AUH: variants seen among roughly 807,000 people sequenced by gnomAD.
AUH encodes AU RNA binding methylglutaconyl-CoA hydratase.
AUH carries 29 observed loss-of-function variants against 42.3 expected under a neutral mutation model. The observed-to-expected ratio is 0.69, with a 90% confidence interval of 0.51 to 0.93. AUH has a LOEUF of 0.93. Among genes scored for constraint, AUH ranks in the 40% least tolerant of loss-of-function variants. The probability of loss-of-function intolerance (pLI) is 0.00; values close to 1 mark genes in which losing one functional copy is unlikely to be tolerated. For synonymous variants in AUH, 174 were observed against 166.4 expected (o/e 1.05, Z -0.35); for missense variants, 452 against 438.1 (o/e 1.03, Z -0.28).
intron 3 of AUH, among the ~76,000 whole-genome samples, chr9:91,327,316 G>A (rs1041279524): frequency 3.9e-5 from 6 of 152,136 alleles, no homozygotes; most frequent in Non-Finnish European, 5.9e-5. Context: ...TAAAAACCGA[G>A]CTGCTGGTTT....
intron 6 of AUH, among the ~76,000 whole-genome samples, chr9:91,240,988 G>A (rs16907290): frequency 0.051 from 7,807 of 152,224 alleles, 427 homozygotes; most frequent in East Asian, 0.32. Flanking sequence ...GATGCCTAGC[G>A]ATAAGTGCGT....
At chr9:91,222,589 G>A (rs142685319) in intron 6 of AUH, among the ~76,000 whole-genome samples, 13 of 152,226 alleles carry the variant, frequency 8.5e-5, no homozygotes, top group African/African-American at 3.1e-4. Context: ...TTTAACTTTC[G>A]ACAATGATGT....
intron 3 of AUH, among the ~76,000 whole-genome samples, chr9:91,344,808 T>C (rs999141568): frequency 4.6e-5 from 7 of 152,152 alleles, no homozygotes; most frequent in African/African-American, 1.7e-4. Flanking sequence ...TATGAAAAGT[T>C]ATAAAATCCT....
intron 3 of AUH, among the ~76,000 whole-genome samples, chr9:91,337,578 G>A (rs748508022): frequency 6.6e-6 from 1 of 152,134 alleles, no homozygotes; most frequent in African/African-American, 2.4e-5. Context: ...GCATGGATAT[G>A]GGGCCCAGAA....
chr9:91,226,190 C>T (rs1460081640), intron 6 of AUH, among the ~76,000 whole-genome samples: 2 of 151,550 alleles, frequency 1.3e-5, no homozygotes, highest in Non-Finnish European at 2.9e-5. Flanking sequence ...GTTCCCATTT[C>T]TCCACATCCT....
At chr9:91,255,166 A>G (rs1829343272) in intron 6 of AUH, among the ~76,000 whole-genome samples, 1 of 152,248 alleles carries the variant, frequency 6.6e-6, no homozygotes, top group African/African-American at 2.4e-5. Flanking sequence ...GTATGTATAT[A>G]TTAGTATCAG....
chr9:91,332,229 C>T (rs569030609), intron 3 of AUH, among the ~76,000 whole-genome samples: 19 of 152,274 alleles, frequency 1.2e-4, no homozygotes, highest in South Asian at 2.1e-4. Context: ...AAGCTGGGCG[C>T]GGTGGCTCAC....
At chr9:91,275,323 T>C (rs1206875464) in intron 6 of AUH, among the ~76,000 whole-genome samples, 2 of 152,216 alleles carry the variant, frequency 1.3e-5, no homozygotes. Context: ...TAACAGCCCA[T>C]ATTTTCTCAA....
chr9:91,254,713 C>T (rs751192821), intron 6 of AUH, among the ~76,000 whole-genome samples: 11 of 152,156 alleles, frequency 7.2e-5, no homozygotes, highest in Non-Finnish European at 1.5e-4. Context: ...GGCAACCATT[C>T]GTATGACATC....
At chr9:91,215,156 T>C (rs1826748385) in intron 9 of AUH, among the ~76,000 whole-genome samples, 1 of 152,212 alleles carries the variant, frequency 6.6e-6, no homozygotes, top group African/African-American at 2.4e-5. Context: ...AGAACAAAAC[T>C]TTTTTGCTAT....
intron 6 of AUH, among the ~76,000 whole-genome samples, chr9:91,257,019 C>T (rs933712578): frequency 6.6e-6 from 1 of 152,248 alleles, no homozygotes; most frequent in Non-Finnish European, 1.5e-5. Context: ...TTCTGCCACC[C>T]GCTGGGTGTT....
At chr9:91,331,994 T>C (rs948964177) in intron 3 of AUH, among the ~76,000 whole-genome samples, 2 of 152,234 alleles carry the variant, frequency 1.3e-5, no homozygotes, top group Admixed American at 6.5e-5. Context: ...TTTGTTCCTA[T>C]TATTGCTAAA....
chr9:91,355,875 T>C lies in AUH; in HGVS notation c.418+8A>G. 1 of 1,597,226 alleles carries C rather than the reference T, an allele frequency of 6.3e-7. No homozygotes were observed. Among genetic ancestry groups the C allele is most frequent in the Non-Finnish European group, 8.6e-7 (1 of 1,164,818 alleles). ...AGTTTAATTTCATAATACAACATAT[T>C]TACATACCAGCACAGAATATCCCTG... is the stretch of plus-strand genomic sequence containing the variant. On this transcript the variant is annotated splice_region_variant and intron_variant, in intron 3 of 9. Coordinates refer to ENST00000375731, the MANE Select transcript of AUH (RefSeq NM_001698.3).
At chr9:91,346,462 A>G (rs528260467) in intron 3 of AUH, among the ~76,000 whole-genome samples, 11 of 152,246 alleles carry the variant, frequency 7.2e-5, no homozygotes, top group African/African-American at 2.6e-4. Flanking sequence ...TGCTCTAAGT[A>G]CCTCCTCCAC....
rs943583933 is a variant in AUH, at chr9:91,348,076, A to T, written c.418+7807T>A. ...AAAGTCTTGTATCAAGAATATAAAAAAAAACAAAAAAAAAACCTTACAACT... is the reference window on the plus strand; with the variant it reads ...AAAGTCTTGTATCAAGAATATAAAATAAAACAAAAAAAAAACCTTACAACT... On this transcript the variant is annotated intron_variant, in intron 3 of 9. Coordinates refer to ENST00000375731, the MANE Select transcript of AUH (RefSeq NM_001698.3). Among the ~76,000 whole-genome samples the T allele has an allele frequency of 2.0e-5, 3 of 151,792 alleles. No individual in the cohort carries two copies. The South Asian group carries it at 6.2e-4, about 32-fold the overall frequency.
intron 4 of AUH, among the ~76,000 whole-genome samples, chr9:91,318,058 C>A (rs987331961): frequency 2.0e-5 from 3 of 152,120 alleles, no homozygotes; most frequent in African/African-American, 7.2e-5. Context: ...TTGTTTCTCT[C>A]GGATTTAGGT....
rs536373400 is a variant in AUH, at chr9:91,323,796, T to TA, written c.505+1521dup. ...AGTATAAAACTTCCTTGAAAGACATTAAAAAAATGAATGACCCCAGAAAAT... is the reference window on the plus strand; with the variant it reads ...AGTATAAAACTTCCTTGAAAGACATTAAAAAAAATGAATGACCCCAGAAAAT... On this transcript the variant is annotated intron_variant, in intron 4 of 9. Transcript: ENST00000375731. 1.5e-4 allele frequency among the ~76,000 whole-genome samples: 23 copies of TA among 151,892 alleles called. No individual in the cohort carries two copies. The East Asian group carries it at 4.5e-3, about 29-fold the overall frequency.
chr9:91,313,711 CAAA>C (rs775229436), intron 4 of AUH, among the ~76,000 whole-genome samples: 3 of 68,900 alleles, frequency 4.4e-5, no homozygotes, highest in Non-Finnish European at 2.8e-5. Context: ...GACTCCGTCT[CAAA>C]AAAAAAAAAA....
chr9:91,248,478 C>G (rs1828919756), intron 6 of AUH, among the ~76,000 whole-genome samples: 1 of 152,052 alleles, frequency 6.6e-6, no homozygotes, highest in Non-Finnish European at 1.5e-5. Context: ...AAAGCACAAC[C>G]TAAAAGGAGT....
Sources: allele counts gnomAD v4.1 joint callset (sites outside exome capture counted in the v4.1 genomes callset), GRCh38; gene constraint gnomAD v4.1.1; transcripts MANE v1.5; gene names NCBI Gene and HGNC (gene_info 2026-07-23, HGNC 2026-07-21).